Variants in DISP3 observed in about 807,000 individuals in gnomAD.
DISP3 encodes the protein dispatched RND transporter family member 3, also known as protein dispatched homolog 3.
A neutral mutation model predicts 135.3 loss-of-function variants in DISP3; 101 were observed. That is an observed-to-expected ratio of 0.75 (90% CI 0.64 to 0.88). DISP3 has a LOEUF of 0.88. DISP3 is among the 40% of genes least tolerant of loss of function. The pLI, the probability that DISP3 is intolerant of heterozygous loss-of-function variation, is 0.00. For missense variants in DISP3, 1,713 were observed against 1,878.6 expected, an observed-to-expected ratio of 0.91 and a Z score of 1.63; for synonymous variants, 856 against 817.0, an observed-to-expected ratio of 1.05 and a Z score of -0.81.
At position 11,526,710 on chromosome 1, in the gene DISP3, A is replaced by G. The variant is rs756235127; in HGVS notation, c.2673A>G (p.Val891=). 6 of 1,614,020 alleles carry G rather than the reference A, an allele frequency of 3.7e-6. No individual in the cohort carries two copies. The highest frequency in any genetic ancestry group is 1.3e-5 in the African/African-American group (1 of 74,954). ...TKKLTACMST[V]GLLQAASPSR... ...AGCTGACCGCTTGTATGTCTACAGT[A>G]GGGCTGCTCCAGGCGGCGAGCCCCT... is the stretch of plus-strand genomic sequence containing the variant. Residue 891 remains valine, a synonymous_variant, in exon 13 of 21, where the codon GTA becomes GTG. Transcript: ENST00000294484.
At position 11,529,767 on chromosome 1, in the gene DISP3, C is replaced by T; in HGVS notation, c.2930-20C>T. 6.2e-7 allele frequency: 1 copy of T among 1,607,906 alleles called. No homozygotes were observed. The highest frequency in any genetic ancestry group is 8.5e-7 in the Non-Finnish European group (1 of 1,175,676). On this transcript the variant is annotated intron_variant, in intron 14 of 20. Coordinates refer to ENST00000294484, the MANE Select transcript of DISP3 (RefSeq NM_020780.2). The surrounding 1 kb of genome is among the most constrained non-coding windows in gnomAD (Gnocchi z 4.7). ...AGCTGGACCCTGCCTTCCCTTACAG[C>T]TGTGACTCCCTGTTCGCAGTGCCCA...
chr1:11,519,926 C>A lies in DISP3; in HGVS notation c.2200+46C>A, dbSNP rs367781598. 1.3e-5 allele frequency: 21 copies of A among 1,555,574 alleles called. No individual in the cohort carries two copies. The African/African-American group carries it at 2.7e-4, about 20-fold the overall frequency. On this transcript the variant is annotated intron_variant, in intron 9 of 20. Transcript: ENST00000294484. This position sits in a 1 kb window ranked among gnomAD's most constrained non-coding sequence, Gnocchi z 4.3. ...TGCCCCCTGTCTCACAGCTCCACCC[C>A]CAAAACACACAGGAACTGGGAGCCC...
At chr1:11,513,948 G>GT (rs57749480) in intron 3 of DISP3, among the ~76,000 whole-genome samples, 2,632 of 147,948 alleles carry the variant, frequency 0.018, 79 homozygotes, top group African/African-American at 0.061. Context: ...GCCTGGTTAT[G>GT]TTTTTTTTTT....
chr1:11,502,790 A>G lies in DISP3; in HGVS notation c.1209A>G (p.Ala403=). ...SLLRSEILFG[A]PLPNYYSVDD... ...TGCGCAGTGAGATCCTGTTTGGAGC[A>G]CCCCTGCCCAACTACTACTCAGTAG... is the stretch of plus-strand genomic sequence containing the variant. Residue 403 remains alanine (A), a synonymous_variant, in exon 3 of 21, where the codon GCA becomes GCG. Coordinates refer to ENST00000294484, the MANE Select transcript of DISP3 (RefSeq NM_020780.2). 1 of 1,614,178 alleles carries G rather than the reference A, an allele frequency of 6.2e-7. No homozygotes were observed. Among genetic ancestry groups the G allele is most frequent in the Non-Finnish European group, 8.5e-7 (1 of 1,180,038 alleles).
At chr1:11,482,746 T>A (rs1640935427) in intron 1 of DISP3, among the ~76,000 whole-genome samples, 1 of 152,164 alleles carries the variant, frequency 6.6e-6, no homozygotes, top group South Asian at 2.1e-4. Context: ...AACGGAGGGC[T>A]GGGACAGTGA....
intron 19 of DISP3, 45 bp downstream of exon 19, chr1:11,535,169 G>A (rs1482986948): frequency 6.5e-7 from 1 of 1,527,472 alleles, no homozygotes; most frequent in East Asian, 2.4e-5. Flanking sequence ...GTAGGGACGG[G>A]AACAGACAGT....
At position 11,516,823 on chromosome 1, in the gene DISP3, A is replaced by C. The variant is rs1642025511; in HGVS notation, c.1750-640A>C. Among the ~76,000 whole-genome samples the C allele has an allele frequency of 6.6e-6, 1 of 152,218 alleles. No homozygotes were observed. Among genetic ancestry groups the C allele is most frequent in the Non-Finnish European group, 1.5e-5 (1 of 68,042 alleles). On this transcript the variant is annotated intron_variant, in intron 6 of 20. Coordinates refer to ENST00000294484, the MANE Select transcript of DISP3 (RefSeq NM_020780.2). The surrounding 1 kb of genome is among the most constrained non-coding windows in gnomAD (Gnocchi z 5.1). ...TTCTAGAGAATCACTTCTAGAAGGT[A>C]GGCAGAGCTGGGTTCAGCTTCTGCA...
rs1387304132 is a variant in DISP3 at position 11,523,933 on chromosome 1, G to A, written c.2363-9G>A. 6.2e-6 allele frequency: 10 copies of A among 1,605,970 alleles called. No individual in the cohort carries two copies. The highest frequency in any genetic ancestry group is 8.5e-6 in the Non-Finnish European group (10 of 1,173,924). On this transcript the variant is annotated splice_polypyrimidine_tract_variant and intron_variant, in intron 10 of 20. Transcript: ENST00000294484. Reference sequence around the variant, plus strand: ...GTCCTGCTGTCCTTGACATGGCGCTGGGGGGCAGGTCTGTTCCAGGAGAAG... The same window carrying A: ...GTCCTGCTGTCCTTGACATGGCGCTAGGGGGCAGGTCTGTTCCAGGAGAAG...
rs1399223252 is a variant in DISP3 at position 11,522,902 on chromosome 1, G to GGACCC, written c.2363-1040_2363-1039insGACCC. ...CCAGAGCCCAGCCAGGACCCAGCCA[G>GGACCC]AGCCCAGCCAGGACCCAGCAAGGAC... On this transcript the variant is annotated intron_variant, in intron 10 of 20. Coordinates refer to ENST00000294484, the MANE Select transcript of DISP3 (RefSeq NM_020780.2). Among the ~76,000 whole-genome samples, 223 of 134,700 alleles carry GGACCC rather than the reference G, an allele frequency of 1.7e-3. 9 individuals are homozygous for GGACCC. Among genetic ancestry groups the GGACCC allele is most frequent in the Non-Finnish European group, 2.6e-3 (162 of 61,416 alleles). The allele number at this position is 134,700 out of a possible 152,430, so 88.4% of individuals were successfully genotyped here. A position where few individuals can be genotyped will look rare whatever the true frequency, so the allele number is the denominator to read the frequency against.
intron 1 of DISP3, among the ~76,000 whole-genome samples, chr1:11,480,925 C>T (rs1476637130): frequency 8.9e-6 from 1 of 111,956 alleles, no homozygotes; most frequent in Non-Finnish European, 1.7e-5. Flanking sequence ...GGCTCTCTAC[C>T]TCAATACTCA....
chr1:11,524,155 G>A, intron 11 of DISP3, 100 bp downstream of exon 11: 2 of 927,566 alleles, frequency 2.2e-6, no homozygotes, highest in Admixed American at 2.2e-5. Context: ...TCTCCTTCAA[G>A]AAGGAGATTG....
At chr1:11,490,991 A>G (rs1641167453) in intron 1 of DISP3, among the ~76,000 whole-genome samples, 1 of 152,152 alleles carries the variant, frequency 6.6e-6, no homozygotes, top group South Asian at 2.1e-4. Context: ...CCTACCAAGA[A>G]GAGCTATTTG....
chr1:11,505,974 A>G (rs1641686702), intron 3 of DISP3, among the ~76,000 whole-genome samples: 1 of 152,204 alleles, frequency 6.6e-6, no homozygotes, highest in Non-Finnish European at 1.5e-5. Flanking sequence ...TTGTTTGCCT[A>G]GTAGACATCT....
At chr1:11,514,991 TA>T (rs986671985) in intron 4 of DISP3, among the ~76,000 whole-genome samples, 4 of 152,232 alleles carry the variant, frequency 2.6e-5, no homozygotes, top group Admixed American at 6.5e-5. Flanking sequence ...AAGACAATGG[TA>T]ATACTTTCCA....
intron 17 of DISP3, chr1:11,533,898 C>G (rs1428801619): frequency 4.2e-6 from 3 of 715,580 alleles, no homozygotes; most frequent in Non-Finnish European, 7.8e-6. Flanking sequence ...GCCAGCCAGG[C>G]TGCTCCTGCC....
intron 1 of DISP3, chr1:11,481,492 G>GT (rs1367809981): frequency 6.6e-6 from 1 of 152,228 alleles, no homozygotes; most frequent in Non-Finnish European, 1.5e-5. Context: ...CTCTCCTGCT[G>GT]TTGTCCTTCA....
intron 10 of DISP3, among the ~76,000 whole-genome samples, chr1:11,522,240 C>T (rs1642217704): frequency 6.6e-6 from 1 of 152,168 alleles, no homozygotes; most frequent in African/African-American, 2.4e-5. Flanking sequence ...GTGCTTCCAG[C>T]TCACAGGAGC....
rs769940775 is a variant in DISP3 at position 11,519,510 on chromosome 1, G to T, written c.2038+7G>T. On this transcript the variant is annotated splice_region_variant and intron_variant, in intron 8 of 20. Coordinates refer to ENST00000294484, the MANE Select transcript of DISP3 (RefSeq NM_020780.2). This position sits in a 1 kb window ranked among gnomAD's most constrained non-coding sequence, Gnocchi z 4.3. Reference sequence around the variant, plus strand: ...GAGGTCGAGGAAGAGCCAGGTGAGAGCTGGCACAGGCCTGCCCTACTGACC... The same window carrying T: ...GAGGTCGAGGAAGAGCCAGGTGAGATCTGGCACAGGCCTGCCCTACTGACC... 6.2e-7 allele frequency: 1 copy of T among 1,613,232 alleles called. No individual in the cohort carries two copies. Among genetic ancestry groups the T allele is most frequent in the Non-Finnish European group, 8.5e-7 (1 of 1,179,944 alleles).
rs1642331409 is a variant in DISP3, at chr1:11,523,967, C to T, written c.2388C>T (p.Ser796=). The T allele has an allele frequency of 6.2e-7, 1 of 1,612,904 alleles. No homozygotes were observed. The highest frequency in any genetic ancestry group is 1.3e-5 in the African/African-American group (1 of 74,866). Residue 796 remains serine (S), a synonymous_variant, in exon 11 of 21, where the codon AGC becomes AGT. Transcript: ENST00000294484. ...GTCTGTTCCAGGAGAAGCCCCACAGCCTGCAGAACAACATCCGGACGTCCC... is the reference window on the plus strand; with the variant it reads ...GTCTGTTCCAGGAGAAGCCCCACAGTCTGCAGAACAACATCCGGACGTCCC... ...CSGLFQEKPH[S]LQNNIRTSLE...
Sources: gnomAD v4.1 joint callset for allele counts (sites outside exome capture counted in the v4.1 genomes callset) on GRCh38, gnomAD v4.1.1 for gene constraint, Gnocchi (gnomAD v3.1) non-coding constraint, MANE v1.5 for transcripts, NCBI Gene and HGNC (gene_info 2026-07-23, HGNC 2026-07-21) for gene names.